Variants in HECTD4 observed in about 807,000 individuals in gnomAD.
HECTD4 encodes the protein probable E3 ubiquitin-protein ligase HECTD4.
HECTD4 carries 114 observed loss-of-function variants against 471.5 expected under a neutral mutation model. That is an observed-to-expected ratio of 0.24 (90% confidence interval 0.21 to 0.28). The LOEUF (loss-of-function observed/expected upper bound fraction) is 0.28. HECTD4 is among the 10% of genes least tolerant of loss of function. The pLI, the probability that HECTD4 is intolerant of heterozygous loss-of-function variation, is 1.00. For synonymous variants in HECTD4, 2,012 were observed against 2,256.0 expected, an observed-to-expected ratio of 0.89 and a Z score of 3.07; for missense variants, 3,866 against 5,651.5, an observed-to-expected ratio of 0.68 and a Z score of 10.13.
In HECTD4 at chr12:112,188,145, T is replaced by C. The variant is rs1308174963; in HGVS notation, c.9472+2641A>G. Among the ~76,000 whole-genome samples the C allele has an allele frequency of 6.6e-6, 1 of 151,888 alleles. No homozygotes were observed. Among genetic ancestry groups the C allele is most frequent in the African/African-American group, 2.4e-5 (1 of 41,368 alleles). ...CTACTAAAAATACAAAAAAATTAGC[T>C]GGGCATGGTAGCGGGCGCCTGTATT... is the stretch of plus-strand genomic sequence containing the variant. On this transcript the variant is annotated intron_variant, in intron 60 of 75. Transcript: ENST00000682272. This position sits in a 1 kb window ranked among gnomAD's most constrained non-coding sequence, Gnocchi z 4.2.
Position 112,184,045 on chromosome 12 carries a change from G to T in HECTD4, c.10779+142C>A. On this transcript the variant is annotated intron_variant, in intron 61 of 75. Coordinates refer to ENST00000682272, the MANE Select transcript of HECTD4 (RefSeq NM_001388303.1). This position sits in a 1 kb window ranked among gnomAD's most constrained non-coding sequence, Gnocchi z 9.1. Reference sequence around the variant, plus strand: ...AGACGTTACCCCAAGCAGCCTCACTGTGCTCATTCCAAGGGCTGCCCCAGG... The same window carrying T: ...AGACGTTACCCCAAGCAGCCTCACTTTGCTCATTCCAAGGGCTGCCCCAGG... The T allele has an allele frequency of 1.3e-6, 1 of 784,436 alleles. No individual in the cohort carries two copies. The highest frequency in any genetic ancestry group is 2.1e-6 in the Non-Finnish European group (1 of 478,962). 48.6% of individuals were successfully genotyped at this position (784,436 alleles called of 1,614,324 possible).
Position 112,164,133 on chromosome 12 carries a change from C to G in HECTD4, c.12677G>C (p.Ser4226Thr), listed in dbSNP as rs1333981840. 2 of 1,609,370 alleles carry G rather than the reference C, an allele frequency of 1.2e-6. No individual in the cohort carries two copies. Among genetic ancestry groups the G allele is most frequent in the Non-Finnish European group, 8.5e-7 (1 of 1,177,928 alleles). Residue 4226 changes from serine (S) to threonine (T), a missense_variant, in exon 73 of 76, where the codon AGC becomes ACC. By Grantham distance (58) the Ser-to-Thr change is moderately conservative (BLOSUM62 1). This residue lies in a region of HECTD4 where 715 missense variants were observed against 1,087.6 expected (regional missense o/e 0.66). Coordinates refer to ENST00000682272, the MANE Select transcript of HECTD4 (RefSeq NM_001388303.1). ...CGCCACAAGGATGTGCCGGCCCCGGCTGCACAGCTCCACCTCCTCGCCCGT... is the reference window on the plus strand; with the variant it reads ...CGCCACAAGGATGTGCCGGCCCCGGGTGCACAGCTCCACCTCCTCGCCCGT... The part of the protein sequence containing the change: ...TMTGEEVELC[S>T]RGRHILVAWE...
At chr12:112,284,183 T>TC (rs2034702096) in intron 7 of HECTD4, among the ~76,000 whole-genome samples, 3 of 152,170 alleles carry the variant, frequency 2.0e-5, no homozygotes, top group Admixed American at 2.0e-4. Flanking sequence ...CCCCTCTGCC[T>TC]CTTCATCATT....
chr12:112,303,139 A>C (rs2035200605), intron 7 of HECTD4, among the ~76,000 whole-genome samples: 1 of 151,982 alleles, frequency 6.6e-6, no homozygotes, highest in African/African-American at 2.4e-5. Flanking sequence ...TCTTTTTTCC[A>C]GGGTCATTCA....
At chr12:112,331,661 T>C (rs928606080) in intron 1 of HECTD4, among the ~76,000 whole-genome samples, 39 of 152,324 alleles carry the variant, frequency 2.6e-4, no homozygotes, top group African/African-American at 9.4e-4. Context: ...TTTCCATGTA[T>C]AGACCAGATC....
In HECTD4 at chr12:112,237,217, T is replaced by C. The variant is rs998779343; in HGVS notation, c.5291-119A>G. The C allele has an allele frequency of 7.9e-6, 6 of 762,982 alleles. No homozygotes were observed. The African/African-American group carries it at 8.7e-5, about 11-fold the overall frequency. 47.3% of individuals were successfully genotyped at this position (762,982 alleles called of 1,614,324 possible). A position where few individuals can be genotyped will look rare whatever the true frequency, so the allele number is the denominator to read the frequency against. On this transcript the variant is annotated intron_variant, in intron 34 of 75. Coordinates refer to ENST00000682272, the MANE Select transcript of HECTD4 (RefSeq NM_001388303.1). ...GCTTAATGTTTCATGAACCATCTAA[T>C]AGTGTCTCCTCATTAGATAATGTCT...
chr12:112,162,063 A>T lies in HECTD4; in HGVS notation c.*324T>A, dbSNP rs1390340602. Reference sequence around the variant, plus strand: ...CTGCTGGGTGGTTCTGTGATGGGGAACCAGCTGGGGCCTTATGGCATTAGA... The same window carrying T: ...CTGCTGGGTGGTTCTGTGATGGGGATCCAGCTGGGGCCTTATGGCATTAGA... On this transcript the variant is annotated 3_prime_UTR_variant, in exon 76 of 76. Transcript: ENST00000682272. The surrounding 1 kb of genome is among the most constrained non-coding windows in gnomAD (Gnocchi z 5.2). The T allele has an allele frequency of 4.3e-6, 1 of 229,950 alleles. No homozygotes were observed. Among genetic ancestry groups the T allele is most frequent in the African/African-American group, 2.3e-5 (1 of 44,234 alleles). 14.2% of individuals were successfully genotyped at this position (229,950 alleles called of 1,614,324 possible).
At chr12:112,253,112 C>A (rs2033931550) in intron 22 of HECTD4, among the ~76,000 whole-genome samples, 1 of 151,924 alleles carries the variant, frequency 6.6e-6, no homozygotes, top group Non-Finnish European at 1.5e-5. Context: ...CCTTGCTCGG[C>A]CTTGAGCATA....
chr12:112,312,005 G>A (rs1163172991), intron 4 of HECTD4, among the ~76,000 whole-genome samples: 1 of 152,134 alleles, frequency 6.6e-6, no homozygotes, highest in Non-Finnish European at 1.5e-5. Flanking sequence ...ACCATGGAAA[G>A]GTACAAGCCC....
chr12:112,264,317 A>T, intron 16 of HECTD4, 105 bp from the exon 17 acceptor site: 1 of 1,164,638 alleles, frequency 8.6e-7, no homozygotes, highest in Non-Finnish European at 1.1e-6. Flanking sequence ...CAAAAAGAGA[A>T]ATAAAAAAAA....
At chr12:112,244,525 C>T (rs1048280469) in intron 29 of HECTD4, among the ~76,000 whole-genome samples, 3 of 152,050 alleles carry the variant, frequency 2.0e-5, no homozygotes, top group South Asian at 2.1e-4. Flanking sequence ...TGCACCACCA[C>T]GCCCAGGTAA....
At chr12:112,279,531 A>G (rs998366646) in intron 8 of HECTD4, 145 bp from the exon 9 acceptor site, 1 of 688,640 alleles carries the variant, frequency 1.5e-6, no homozygotes, top group African/African-American at 1.8e-5. Context: ...AAACAGAATA[A>G]GAAGTAATAG....
At chr12:112,361,417 A>G (rs1172905859) in intron 1 of HECTD4, among the ~76,000 whole-genome samples, 1 of 151,928 alleles carries the variant, frequency 6.6e-6, no homozygotes, top group Non-Finnish European at 1.5e-5. Context: ...CTACAGGTGC[A>G]TGACACCACA....
chr12:112,270,173 G>C (rs2034381792), intron 12 of HECTD4, 54 bp downstream of exon 12: 2 of 1,500,128 alleles, frequency 1.3e-6, no homozygotes, highest in Non-Finnish European at 9.2e-7. Flanking sequence ...CTGAAGCCAA[G>C]GTTTGCGTTT....
At chr12:112,301,596 C>T (rs1027798270) in intron 7 of HECTD4, among the ~76,000 whole-genome samples, 3 of 152,170 alleles carry the variant, frequency 2.0e-5, no homozygotes, top group Non-Finnish European at 4.4e-5. Context: ...TATCTTTTCT[C>T]TCATATTTAC....
chr12:112,230,625 T>C (rs2033356264), intron 40 of HECTD4, 62 bp downstream of exon 40: 2 of 1,513,544 alleles, frequency 1.3e-6, no homozygotes, highest in South Asian at 1.3e-5. Context: ...TTGCTGGGTA[T>C]GATTCTAATT....
At position 112,239,333 on chromosome 12, in the gene HECTD4, C is replaced by T. The variant is rs918145303; in HGVS notation, c.5106-97G>A. On this transcript the variant is annotated intron_variant, in intron 33 of 75. Coordinates refer to ENST00000682272, the MANE Select transcript of HECTD4 (RefSeq NM_001388303.1). This position sits in a 1 kb window ranked among gnomAD's most constrained non-coding sequence, Gnocchi z 4.9. ...CAAAGGGGCATAAAACATGCTGGTG[C>T]AGCTCTTTCCCTACAACTTAGGATA... 54 of 1,020,044 alleles carry T rather than the reference C, an allele frequency of 5.3e-5. No homozygotes were observed. Among genetic ancestry groups the T allele is most frequent in the African/African-American group, 3.6e-4 (22 of 60,860 alleles). The allele number at this position is 1,020,044 out of a possible 1,614,324, so 63.2% of individuals were successfully genotyped here. A position where few individuals can be genotyped will look rare whatever the true frequency, so the allele number is the denominator to read the frequency against.
intron 53 of HECTD4, 37 bp from the exon 54 acceptor site, chr12:112,203,809 G>A: frequency 1.4e-6 from 2 of 1,463,752 alleles, no homozygotes; most frequent in South Asian, 1.4e-5. Flanking sequence ...TCAGGAAAAA[G>A]TACCACTGCA....
chr12:112,179,314 T>A lies in HECTD4; in HGVS notation c.11071A>T (p.Thr3691Ser). 6 of 1,613,464 alleles carry A rather than the reference T, an allele frequency of 3.7e-6. No individual in the cohort carries two copies. The highest frequency in any genetic ancestry group is 4.2e-6 in the Non-Finnish European group (5 of 1,179,696). Residue 3691 changes from threonine to serine, a missense_variant, in exon 63 of 76, where the codon ACA (threonine) becomes TCA (serine). By Grantham distance (58) the Thr-to-Ser change is moderately conservative. Transcript: ENST00000682272. The surrounding 1 kb of genome is among the most constrained non-coding windows in gnomAD (Gnocchi z 4.3). ...GAGACTCTGATGGGCTTCGCTGGTG[T>A]CAGGCTCAGCGTCTGCTCTGAATGG... Reference protein sequence around the residue: ...CAHSEQTLSLTPAKPIRVSDI... With the variant: ...CAHSEQTLSLSPAKPIRVSDI...
Sources: allele counts gnomAD v4.1 joint callset (sites outside exome capture counted in the v4.1 genomes callset), GRCh38; gene constraint gnomAD v4.1.1; regional missense constraint gnomAD v4.1.1; non-coding constraint Gnocchi (gnomAD v3.1); transcripts MANE v1.5; gene names NCBI Gene and HGNC (gene_info 2026-07-23, HGNC 2026-07-21).